The following ECT2L variants were observed in gnomAD, a reference collection of about 807,000 sequenced individuals.
ECT2L encodes epithelial cell-transforming sequence 2 oncogene-like.
ECT2L carries 126 observed loss-of-function variants against 122.8 expected under a neutral mutation model. That is an observed-to-expected ratio of 1.03 (90% CI 0.89 to 1.19). ECT2L has a LOEUF of 1.19. Ranked by LOEUF, ECT2L falls within the 50% of genes most tolerant of loss-of-function variation. The pLI is 0.00. For synonymous variants in ECT2L, 385 were observed against 381.8 expected, an observed-to-expected ratio of 1.01 and a Z score of -0.10; for missense variants, 1,012 against 1,064.1, an observed-to-expected ratio of 0.95 and a Z score of 0.68.
chr6:138,818,579 T>C (rs1327052368), intron 4 of ECT2L, among the ~76,000 whole-genome samples: 1 of 152,206 alleles, frequency 6.6e-6, no homozygotes, highest in African/African-American at 2.4e-5. Flanking sequence ...AAACATCGAA[T>C]GAAACTTGCT....
chr6:138,831,545 T>A (rs1225753996), intron 4 of ECT2L, among the ~76,000 whole-genome samples: 1 of 152,150 alleles, frequency 6.6e-6, no homozygotes, highest in Non-Finnish European at 1.5e-5. Flanking sequence ...CTCCACTGCC[T>A]TCTTCTCCCA....
At chr6:138,893,583 G>A (rs1017120858) in intron 20 of ECT2L, among the ~76,000 whole-genome samples, 2 of 151,890 alleles carry the variant, frequency 1.3e-5, no homozygotes, top group East Asian at 1.9e-4. Context: ...GTTACTGCTC[G>A]GCTAATTTTT....
At chr6:138,876,009 C>T (rs1778436905) in intron 13 of ECT2L, among the ~76,000 whole-genome samples, 1 of 152,048 alleles carries the variant, frequency 6.6e-6, no homozygotes, top group South Asian at 2.1e-4. Context: ...AAGCCTGCTA[C>T]TCAGGAGGCT....
intron 1 of ECT2L, among the ~76,000 whole-genome samples, chr6:138,802,945 G>A (rs1426907288): frequency 2.6e-5 from 4 of 151,956 alleles, no homozygotes; most frequent in African/African-American, 7.2e-5. Context: ...GCATGGTGGT[G>A]TGCACCTGTA....
At position 138,902,655 on chromosome 6, in the gene ECT2L, C is replaced by T; in HGVS notation, c.*28C>T. On this transcript the variant is annotated 3_prime_UTR_variant, in exon 22 of 22. Transcript: ENST00000541398. ...CCGAACTTGAAAACTTCAGGGGTGC[C>T]AATTCTCCCCAGCAAAGACAGACAA... The T allele has an allele frequency of 6.2e-7, 1 of 1,611,114 alleles. No individual in the cohort carries two copies. Among genetic ancestry groups the T allele is most frequent in the South Asian group, 1.1e-5 (1 of 90,470 alleles).
At chr6:138,820,471 T>C (rs1776234686) in intron 4 of ECT2L, among the ~76,000 whole-genome samples, 1 of 152,114 alleles carries the variant, frequency 6.6e-6, no homozygotes, top group African/African-American at 2.4e-5. Flanking sequence ...ATATAAAAAA[T>C]CCTTGGCCCT....
At chr6:138,808,156 T>C (rs1276220556) in intron 1 of ECT2L, among the ~76,000 whole-genome samples, 2 of 152,360 alleles carry the variant, frequency 1.3e-5, no homozygotes, top group Middle Eastern at 3.4e-3. Context: ...TACTCTTCTT[T>C]AGGTCTTTAA....
At chr6:138,847,401 C>T (rs1327999568) in intron 8 of ECT2L, among the ~76,000 whole-genome samples, 2 of 90,066 alleles carry the variant, frequency 2.2e-5, no homozygotes, top group African/African-American at 5.0e-5. Context: ...GATGGAGTCT[C>T]ACTCTGTCGC....
intron 7 of ECT2L, among the ~76,000 whole-genome samples, chr6:138,845,367 A>G (rs1308556860): frequency 6.6e-6 from 1 of 151,498 alleles, no homozygotes; most frequent in Non-Finnish European, 1.5e-5. Flanking sequence ...CTCAGCCTCC[A>G]GAGCAGGTGG....
intron 9 of ECT2L, among the ~76,000 whole-genome samples, chr6:138,850,562 T>G (rs1319935897): frequency 6.6e-6 from 1 of 152,228 alleles, no homozygotes; most frequent in Non-Finnish European, 1.5e-5. Flanking sequence ...TGATGGAAAC[T>G]GGGTTGCTTC....
At chr6:138,889,698 C>G (rs1457100916) in intron 20 of ECT2L, among the ~76,000 whole-genome samples, 1 of 152,060 alleles carries the variant, frequency 6.6e-6, no homozygotes, top group African/African-American at 2.4e-5. Context: ...AAGAGAGGAC[C>G]AATTTATTAT....
intron 12 of ECT2L, among the ~76,000 whole-genome samples, chr6:138,865,414 T>G (rs1038229231): frequency 6.6e-6 from 1 of 152,208 alleles, no homozygotes; most frequent in Non-Finnish European, 1.5e-5. Flanking sequence ...TACCACCTTA[T>G]TAATTCTTGT....
At chr6:138,899,570 A>T (rs1210720156) in intron 20 of ECT2L, among the ~76,000 whole-genome samples, 1 of 152,106 alleles carries the variant, frequency 6.6e-6, no homozygotes, top group East Asian at 1.9e-4. Flanking sequence ...GAGGGGAAAG[A>T]GGTACACTAA....
At chr6:138,840,356 T>A (rs1224182154) in intron 5 of ECT2L, among the ~76,000 whole-genome samples, 2 of 150,478 alleles carry the variant, frequency 1.3e-5, no homozygotes, top group Non-Finnish European at 3.0e-5. Flanking sequence ...TTTTATGTAG[T>A]CAATATTGAT....
At chr6:138,854,862 A>C (rs1298883158) in intron 10 of ECT2L, among the ~76,000 whole-genome samples, 1 of 152,266 alleles carries the variant, frequency 6.6e-6, no homozygotes, top group African/African-American at 2.4e-5. Flanking sequence ...CTTCAGAAGC[A>C]TTAAGTCAAA....
intron 4 of ECT2L, among the ~76,000 whole-genome samples, chr6:138,822,215 A>G (rs1291550698): frequency 6.6e-6 from 1 of 152,228 alleles, no homozygotes; most frequent in Admixed American, 6.5e-5. Context: ...GCCAGTTGCC[A>G]GGGACAGAGC....
At chr6:138,886,757 C>T in intron 18 of ECT2L, 100 bp from the exon 19 acceptor site, 1 of 835,068 alleles carries the variant, frequency 1.2e-6, no homozygotes, top group Non-Finnish European at 2.0e-6. Flanking sequence ...ATGAAAATAC[C>T]AAGCCCTGTA....
Position 138,858,697 on chromosome 6 carries a change from CTTTTTTTTTTTTTTTT to C in ECT2L, c.1199-3918_1199-3903del, listed in dbSNP as rs35946003. 8.9e-3 allele frequency among the ~76,000 whole-genome samples: 530 copies of C among 59,374 alleles called. 4 individuals are homozygous for C. The highest frequency in any genetic ancestry group is 0.035 in the African/African-American group (501 of 14,244). The allele number at this position is 59,374 out of a possible 152,430, so 39.0% of individuals were successfully genotyped here. On this transcript the variant is annotated intron_variant, in intron 10 of 21. Transcript: ENST00000541398. ...TTAGTTTTCATCTTCTAGAATTTTC[CTTTTTTTTTTTTTTTT>C]TTTTTTTTTTTGAGACAGGGTCTGC...
At chr6:138,864,758 TATGTC>T (rs1033346014) in intron 11 of ECT2L, among the ~76,000 whole-genome samples, 7 of 152,218 alleles carry the variant, frequency 4.6e-5, no homozygotes, top group African/African-American at 1.7e-4. Context: ...TTGAATGGAA[TATGTC>T]AGCCTCAGCT....
Sources: gnomAD v4.1 joint callset for allele counts (sites outside exome capture counted in the v4.1 genomes callset) on GRCh38, gnomAD v4.1.1 for gene constraint, MANE v1.5 for transcripts, NCBI Gene and HGNC (gene_info 2026-07-23, HGNC 2026-07-21) for gene names.